The following CALN1 variants were observed in gnomAD, a reference collection of about 807,000 sequenced individuals.
CALN1 encodes the protein calneuron 1.
In CALN1, 17 loss-of-function variants were observed where a neutral mutation model predicts 30.6. The ratio of observed to expected loss-of-function variants is 0.56; its 90% confidence interval spans 0.38 to 0.83. CALN1 has a LOEUF of 0.83. Among genes scored for constraint, CALN1 ranks in the 40% least tolerant of loss-of-function variants. The probability of loss-of-function intolerance (pLI) is 0.00; values close to 1 mark genes in which losing one functional copy is unlikely to be tolerated. For missense variants in CALN1, 291 were observed against 354.9 expected (o/e 0.82, Z 1.45); for synonymous variants, 156 against 131.4 (o/e 1.19, Z -1.28).
At chr7:72,228,862 CATG>C (rs984389788) in intron 3 of CALN1, among the ~76,000 whole-genome samples, 20 of 151,114 alleles carry the variant, frequency 1.3e-4, no homozygotes, top group African/African-American at 4.9e-4. Context: ...CCTGGGTTTA[CATG>C]ATCCTCCCAC....
intron 5 of CALN1, among the ~76,000 whole-genome samples, chr7:71,914,285 A>G (rs1374443839): frequency 2.0e-5 from 3 of 152,110 alleles, no homozygotes; most frequent in South Asian, 2.1e-4. Flanking sequence ...CCTCCCACTT[A>G]TAAGTAAGAA....
chr7:72,360,853 T>G (rs1803529403), intron 2 of CALN1, among the ~76,000 whole-genome samples: 1 of 151,714 alleles, frequency 6.6e-6, no homozygotes, highest in South Asian at 2.1e-4. Flanking sequence ...CTCAGCTTCC[T>G]ACATAGCTGA....
chr7:72,457,917 C>T, the CALN1 span, among the ~76,000 whole-genome samples: 1 of 151,012 alleles, frequency 6.6e-6, no homozygotes, highest in African/African-American at 2.4e-5. Flanking sequence ...CACCACGTCT[C>T]GATACTTTTT....
chr7:72,310,613 G>T (rs367900305), intron 2 of CALN1, among the ~76,000 whole-genome samples: 1 of 151,834 alleles, frequency 6.6e-6, no homozygotes, highest in African/African-American at 2.4e-5. Flanking sequence ...ACATCAAAAC[G>T]TAAGAGCAGG....
intron 4 of CALN1, among the ~76,000 whole-genome samples, chr7:72,053,605 G>T (rs1802979927): frequency 6.6e-6 from 1 of 151,378 alleles, no homozygotes; most frequent in South Asian, 2.1e-4. Flanking sequence ...TAGCAACTTT[G>T]GTTTTCTTTC....
intron 2 of CALN1, among the ~76,000 whole-genome samples, chr7:72,305,648 C>T (rs2129555956): frequency 6.6e-6 from 1 of 152,314 alleles, no homozygotes; most frequent in East Asian, 1.9e-4. Flanking sequence ...ACACTGTACC[C>T]AACATTGATT....
At chr7:71,870,579 GT>G (rs557717957) in intron 5 of CALN1, among the ~76,000 whole-genome samples, 2 of 151,976 alleles carry the variant, frequency 1.3e-5, no homozygotes, top group African/African-American at 2.4e-5. Context: ...TAGTAGAATT[GT>G]TTTTTTCCCT....
intron 2 of CALN1, among the ~76,000 whole-genome samples, chr7:72,385,147 A>G (rs1235189893): frequency 2.0e-5 from 3 of 152,232 alleles, no homozygotes; most frequent in African/African-American, 4.8e-5. Flanking sequence ...TTAAAAGACA[A>G]TAATAACTGC....
intron 5 of CALN1, among the ~76,000 whole-genome samples, chr7:72,003,766 C>T (rs566952395): frequency 3.9e-5 from 6 of 152,120 alleles, no homozygotes; most frequent in Middle Eastern, 3.2e-3. Context: ...TTTCATTATA[C>T]ATTACAATGT....
intron 4 of CALN1, among the ~76,000 whole-genome samples, chr7:72,104,881 C>T (rs1417303073): frequency 1.3e-5 from 2 of 152,028 alleles, no homozygotes; most frequent in African/African-American, 2.4e-5. Context: ...TCACTTGAAC[C>T]GGGAGGCGGA....
chr7:71,956,907 G>C (rs1213413156), intron 5 of CALN1, among the ~76,000 whole-genome samples: 1 of 151,746 alleles, frequency 6.6e-6, no homozygotes, highest in East Asian at 2.0e-4. Flanking sequence ...ATGTTGGCCA[G>C]TCTGGTCTCA....
chr7:72,284,979 G>T (rs1055986880), intron 2 of CALN1, among the ~76,000 whole-genome samples: 1 of 151,910 alleles, frequency 6.6e-6, no homozygotes, highest in Admixed American at 6.6e-5. Context: ...ATTGCAGTAG[G>T]GTATTATTAT....
intron 4 of CALN1, among the ~76,000 whole-genome samples, chr7:72,041,342 G>A (rs187279689): frequency 7.5e-4 from 114 of 152,082 alleles, no homozygotes; most frequent in Non-Finnish European, 1.1e-3. Context: ...GGATGGGGGT[G>A]TGATATATTT....
At chr7:72,344,695 AT>A (rs1321232072) in intron 2 of CALN1, among the ~76,000 whole-genome samples, 1 of 146,884 alleles carries the variant, frequency 6.8e-6, no homozygotes, top group East Asian at 2.0e-4. Context: ...AATTATTTAC[AT>A]TTTTATTTAT....
intron 5 of CALN1, among the ~76,000 whole-genome samples, chr7:71,888,765 G>T (rs1793068570): frequency 6.6e-6 from 1 of 152,134 alleles, no homozygotes; most frequent in Admixed American, 6.5e-5. Flanking sequence ...GTGGTGGCAA[G>T]AGGGGTGACG....
At chr7:72,225,153 T>C (rs1341044024) in intron 3 of CALN1, among the ~76,000 whole-genome samples, 1 of 151,064 alleles carries the variant, frequency 6.6e-6, no homozygotes, top group Non-Finnish European at 1.5e-5. Context: ...TGGTCTCTCA[T>C]AGGCCCAATG....
At chr7:72,029,732 G>A (rs1801316942) in intron 4 of CALN1, among the ~76,000 whole-genome samples, 1 of 152,178 alleles carries the variant, frequency 6.6e-6, no homozygotes, top group Non-Finnish European at 1.5e-5. Context: ...CTGGGAGGAT[G>A]GAGCTCTCAG....
chr7:72,205,551 A>AAATATATACATATACATAT, intron 3 of CALN1, among the ~76,000 whole-genome samples: 2 of 83,052 alleles, frequency 2.4e-5, no homozygotes, highest in East Asian at 8.7e-4. Flanking sequence ...GCAAAAAAAA[A>AAATATATACATATACATAT]ATATATATAT....
At chr7:71,797,741 C>T (rs1787013503) in intron 6 of CALN1, among the ~76,000 whole-genome samples, 1 of 152,122 alleles carries the variant, frequency 6.6e-6, no homozygotes, top group Admixed American at 6.6e-5. Context: ...TCTCTGGAAG[C>T]CCTACCCCTT....
Sources: allele counts gnomAD v4.1 joint callset (sites outside exome capture counted in the v4.1 genomes callset), GRCh38; gene constraint gnomAD v4.1.1; transcripts MANE v1.5; gene names NCBI Gene and HGNC (gene_info 2026-07-23, HGNC 2026-07-21).